Variants in POU2F2 observed in about 807,000 individuals in gnomAD.
The protein encoded by POU2F2 is POU class 2 homeobox 2, also known as POU domain, class 2, transcription factor 2.
Under a neutral mutation model 63.5 loss-of-function variants are expected in POU2F2, and 14 were observed. The ratio of observed to expected loss-of-function variants is 0.22; its 90% CI spans 0.15 to 0.34. POU2F2 has a LOEUF of 0.34. POU2F2 is among the 10% of genes least tolerant of loss of function. POU2F2 has a pLI of 1.00. For missense variants in POU2F2, 607 were observed against 815.2 expected, an observed-to-expected ratio of 0.74 and a Z score of 3.11; for synonymous variants, 306 against 348.6, an observed-to-expected ratio of 0.88 and a Z score of 1.36.
chr19:42,132,893 C>T (rs2033865422), upstream of POU2F2: 1 of 157,408 alleles, frequency 6.4e-6, no homozygotes, highest in Admixed American at 6.5e-5. Context: ...TCTTATTTGC[C>T]CCATTTTACA....
At chr19:42,148,388 A>G (rs1194808272) in intron 2 of POU2F2, among the ~76,000 whole-genome samples, 5 of 152,340 alleles carry the variant, frequency 3.3e-5, no homozygotes, top group Middle Eastern at 3.4e-3. Flanking sequence ...CATGTGGGTA[A>G]ATACGTGGGT....
chr19:42,092,143 G>T lies in POU2F2; in HGVS notation c.1392C>A (p.Thr464=). 1 of 1,582,352 alleles carries T rather than the reference G, an allele frequency of 6.3e-7. No individual in the cohort carries two copies. Among genetic ancestry groups the T allele is most frequent in the Non-Finnish European group, 8.6e-7 (1 of 1,166,044 alleles). Residue 464 remains threonine (T), a synonymous_variant, in exon 13 of 15, where the codon ACC becomes ACA. Transcript: ENST00000692977. The surrounding 1 kb of genome is among the most constrained non-coding windows in gnomAD (Gnocchi z 5.0). ...IPSVTPPPPA[T]TNSTNPSPQG... is the part of the protein sequence containing the mutation. ...GAGGGCTGGGGTTTGTGCTGTTGGT[G>T]GTGGCCGGGGGTGGGGGAGTGACAG...
chr19:42,159,268 T>C (rs1427626791), intron 2 of POU2F2, among the ~76,000 whole-genome samples: 2 of 152,182 alleles, frequency 1.3e-5, no homozygotes, highest in East Asian at 3.8e-4. Flanking sequence ...CATCTGTGCA[T>C]GAGAACAGTC....
intron 11 of POU2F2, among the ~76,000 whole-genome samples, chr19:42,094,327 G>A (rs1030392580): frequency 2.0e-5 from 3 of 152,248 alleles, no homozygotes; most frequent in African/African-American, 4.8e-5. Flanking sequence ...GGCAGGGAAA[G>A]AGCAGATCTA....
intron 5 of POU2F2, among the ~76,000 whole-genome samples, chr19:42,108,178 G>A (rs1206438350): frequency 6.6e-6 from 1 of 152,196 alleles, no homozygotes; most frequent in Non-Finnish European, 1.5e-5. Context: ...ACTACAGCGG[G>A]TGTCAGCTCC....
intron 5 of POU2F2, among the ~76,000 whole-genome samples, chr19:42,102,013 C>T (rs2077163297): frequency 6.6e-6 from 1 of 151,994 alleles, no homozygotes. Context: ...CATACACCAC[C>T]CTTAGGACCC....
chr19:42,122,058 A>G, intron 4 of POU2F2, 68 bp downstream of exon 4: 1 of 1,478,848 alleles, frequency 6.8e-7, no homozygotes, highest in Non-Finnish European at 9.4e-7. Flanking sequence ...CCTTGGACTG[A>G]GGCAGGCCTC....
chr19:42,148,392 C>T (rs1048439179), intron 2 of POU2F2, among the ~76,000 whole-genome samples: 2 of 152,164 alleles, frequency 1.3e-5, no homozygotes, highest in African/African-American at 4.8e-5. Flanking sequence ...TGGGTAAATA[C>T]GTGGGTCTGT....
intron 2 of POU2F2, among the ~76,000 whole-genome samples, chr19:42,142,871 AT>A (rs1044956491): frequency 6.6e-6 from 1 of 152,098 alleles, no homozygotes; most frequent in Non-Finnish European, 1.5e-5. Context: ...GCCTGTACTC[AT>A]TTTTTTAATT....
intron 5 of POU2F2, among the ~76,000 whole-genome samples, chr19:42,106,399 C>A (rs1433502618): frequency 6.6e-6 from 1 of 152,108 alleles, no homozygotes; most frequent in Non-Finnish European, 1.5e-5. Flanking sequence ...GTGTGAGCCA[C>A]CATGTCCAGC....
At chr19:42,140,754 T>C (rs2034110993) in intron 2 of POU2F2, among the ~76,000 whole-genome samples, 1 of 152,234 alleles carries the variant, frequency 6.6e-6, no homozygotes, top group Non-Finnish European at 1.5e-5. Context: ...TCCTTTTCTG[T>C]CTTGTTCACT....
At chr19:42,135,819 C>A (rs75619987), upstream of POU2F2, among the ~76,000 whole-genome samples, 2 of 151,544 alleles carry the variant, frequency 1.3e-5, no homozygotes, top group South Asian at 2.1e-4. Flanking sequence ...GCGCATCTCA[C>A]GCCTCCTCAG....
At chr19:42,178,160 G>A (rs964368837), upstream of POU2F2, among the ~76,000 whole-genome samples, 1 of 151,864 alleles carries the variant, frequency 6.6e-6, no homozygotes, top group African/African-American at 2.4e-5. Context: ...AGAGGAGGGA[G>A]GAGGGAGCAG....
intron 1 of POU2F2, among the ~76,000 whole-genome samples, chr19:42,190,360 C>A (rs2035062689): frequency 6.6e-6 from 1 of 151,604 alleles, no homozygotes; most frequent in African/African-American, 2.4e-5. Context: ...AATCATGGTC[C>A]ATTTGCCTCA....
upstream of POU2F2, among the ~76,000 whole-genome samples, chr19:42,178,079 T>C (rs77265127): frequency 0.081 from 12,073 of 148,708 alleles, 671 homozygotes; most frequent in Middle Eastern, 0.19. Flanking sequence ...GCAGGAAGTA[T>C]AGGGGACATG....
intron 1 of POU2F2, among the ~76,000 whole-genome samples, chr19:42,186,785 C>T (rs1335747006): frequency 2.0e-5 from 3 of 152,160 alleles, no homozygotes; most frequent in Admixed American, 6.6e-5. Flanking sequence ...TGGATATGAG[C>T]GTCAGGGAGA....
At chr19:42,144,028 C>T (rs569717149) in intron 2 of POU2F2, among the ~76,000 whole-genome samples, 66 of 152,292 alleles carry the variant, frequency 4.3e-4, no homozygotes, top group South Asian at 1.7e-3. Context: ...GCATGTGTGT[C>T]CCATTATGTC....
chr19:42,118,368 G>C (rs1053452128), intron 4 of POU2F2, among the ~76,000 whole-genome samples: 1 of 152,178 alleles, frequency 6.6e-6, no homozygotes, highest in Non-Finnish European at 1.5e-5. Context: ...CAGGAGTAGG[G>C]GTGGATGGAG....
chr19:42,106,465 G>A (rs562066992), intron 5 of POU2F2, among the ~76,000 whole-genome samples: 3 of 152,282 alleles, frequency 2.0e-5, no homozygotes, highest in Admixed American at 2.0e-4. Flanking sequence ...ATCATCACTA[G>A]GGACTCCAAA....
Sources: gnomAD v4.1 joint callset for allele counts (sites outside exome capture counted in the v4.1 genomes callset) on GRCh38, gnomAD v4.1.1 for gene constraint, Gnocchi (gnomAD v3.1) non-coding constraint, MANE v1.5 for transcripts, NCBI Gene and HGNC (gene_info 2026-07-23, HGNC 2026-07-21) for gene names.